DNAH17: variants seen among roughly 807,000 people sequenced by gnomAD.
DNAH17 encodes the protein axonemal beta dynein heavy chain 17.
Under a neutral mutation model 485.6 loss-of-function variants are expected in DNAH17, and 376 were observed. That is an observed-to-expected ratio of 0.77 (90% CI 0.71 to 0.84). The LOEUF (loss-of-function observed/expected upper bound fraction) is 0.84. Among genes scored for constraint, DNAH17 ranks in the 40% least tolerant of loss-of-function variants. The pLI is 0.00. For missense variants in DNAH17, 6,370 were observed against 5,839.3 expected, an observed-to-expected ratio of 1.09 and a Z score of -2.96; for synonymous variants, 3,031 against 2,405.9, an observed-to-expected ratio of 1.26 and a Z score of -7.60.
chr17:78,472,083 G>C (rs1227894017), intron 54 of DNAH17, among the ~76,000 whole-genome samples: 2 of 152,202 alleles, frequency 1.3e-5, no homozygotes, highest in African/African-American at 2.4e-5. Flanking sequence ...GGCCCGTCTA[G>C]GGACCAGCCA....
chr17:78,556,126 T>TC (rs561965902), intron 14 of DNAH17, among the ~76,000 whole-genome samples: 30 of 152,032 alleles, frequency 2.0e-4, no homozygotes, highest in Admixed American at 1.6e-3. Flanking sequence ...TCTGTATCTA[T>TC]CCCCCCCATC....
chr17:78,486,578 G>A (rs1598558136), intron 44 of DNAH17, 72 bp from the exon 45 acceptor site: 34 of 1,498,532 alleles, frequency 2.3e-5, no homozygotes, highest in Admixed American at 6.6e-5. Flanking sequence ...CTTGGTAAAC[G>A]CCCCTCCCTA....
At chr17:78,437,619 G>GC (rs2086892031) in intron 74 of DNAH17, 22 bp downstream of exon 74, 2 of 1,574,834 alleles carry the variant, frequency 1.3e-6, no homozygotes, top group South Asian at 2.3e-5. Context: ...TGGGGAGGCA[G>GC]CCCGAGCAGG....
intron 2 of DNAH17, 122 bp downstream of exon 2, chr17:78,574,591 T>A: frequency 2.4e-6 from 2 of 837,060 alleles, no homozygotes; most frequent in Non-Finnish European, 3.6e-6. Flanking sequence ...GCATTTCCAA[T>A]CCCTCCCCGG....
intron 80 of DNAH17, 134 bp downstream of exon 80, chr17:78,425,212 C>T (rs150329603): frequency 1.4e-5 from 12 of 844,612 alleles, no homozygotes; most frequent in Non-Finnish European, 2.0e-5. Flanking sequence ...GCTGATGCCC[C>T]CTGAGAGCAC....
intron 16 of DNAH17, among the ~76,000 whole-genome samples, chr17:78,544,714 T>G (rs371777076): frequency 7.1e-6 from 1 of 141,818 alleles, no homozygotes; most frequent in East Asian, 2.1e-4. Flanking sequence ...GGCAGGAGAA[T>G]GGCGTGAACC....
chr17:78,496,363 G>A (rs1178451518), intron 37 of DNAH17, among the ~76,000 whole-genome samples: 2 of 76,052 alleles, frequency 2.6e-5, no homozygotes, highest in East Asian at 8.9e-4. Context: ...TGATTGGGGG[G>A]AAGAAAAAAA....
At chr17:78,498,770 T>C (rs2090167454) in intron 37 of DNAH17, 1 of 365,840 alleles carries the variant, frequency 2.7e-6, no homozygotes, top group Admixed American at 4.7e-5. Context: ...CTCCCACCTG[T>C]ATTTTGTTAC....
intron 48 of DNAH17, 110 bp from the exon 49 acceptor site, chr17:78,480,896 A>C: frequency 1.3e-6 from 1 of 758,072 alleles, no homozygotes; most frequent in South Asian, 1.6e-5. Context: ...TTTGAGACAG[A>C]GTCTCGCTCT....
intron 9 of DNAH17, 94 bp downstream of exon 9, chr17:78,569,072 A>G: frequency 2.0e-6 from 2 of 983,328 alleles, no homozygotes; most frequent in East Asian, 2.6e-5. Context: ...CTGGGGGATT[A>G]TTGGCAAGGG....
chr17:78,423,837 C>T lies in DNAH17; in HGVS notation c.*69G>A. ...ACCAGTTCCTGTAAAGAATAAGTCA[C>T]AGGTGCACAGGTGAAGGGCTGAGTT... On this transcript the variant is annotated 3_prime_UTR_variant, in exon 81 of 81. Transcript: ENST00000389840. 6.3e-7 allele frequency: 1 copy of T among 1,576,402 alleles called. No individual in the cohort carries two copies. Among genetic ancestry groups the T allele is most frequent in the Non-Finnish European group, 8.7e-7 (1 of 1,155,334 alleles).
chr17:78,501,859 G>T lies in DNAH17; in HGVS notation c.5205C>A (p.Asn1735Lys). The change falls in exon 34 of 81, where the codon AAC (asparagine) becomes AAA (lysine). Residue 1735 changes from asparagine to lysine, a missense_variant. Physicochemically the swap from Asn to Lys is moderately conservative, Grantham distance 94. Coordinates refer to ENST00000389840, the MANE Select transcript of DNAH17 (RefSeq NM_173628.4). ...DYNKKQISQLNVLITLLMGNL... is the reference protein window; with the variant it reads ...DYNKKQISQLKVLITLLMGNL... The stretch of plus-strand genomic sequence containing the variant: ...TCCCCATGAGCAGCGTGATGAGTAC[G>T]TTCAGCTGGCTAATCTGCGGGGGAG... 1.2e-6 allele frequency: 2 copies of T among 1,614,036 alleles called. No individual in the cohort carries two copies. The highest frequency in any genetic ancestry group is 1.7e-5 in the Admixed American group (1 of 60,030).
rs1157464118 is a variant in DNAH17, at chr17:78,446,173, C to CAAAAAAAAAA, written c.11212-503_11212-494dup. Reference sequence around the variant, plus strand: ...TGGGCAACAGAGTGAGACTCTGTCTCAAAAAAAAAAAAAAAAAAAAAAAAA... The same window carrying CAAAAAAAAAA: ...TGGGCAACAGAGTGAGACTCTGTCTCAAAAAAAAAAAAAAAAAAAAAAAAAAAAAAAAAAA... On this transcript the variant is annotated intron_variant, in intron 69 of 80. Transcript: ENST00000389840. Among the ~76,000 whole-genome samples, 14 of 57,392 alleles carry CAAAAAAAAAA rather than the reference C, an allele frequency of 2.4e-4. 1 individual carries two copies. Among genetic ancestry groups the CAAAAAAAAAA allele is most frequent in the East Asian group, 7.2e-4 (1 of 1,392 alleles). 37.7% of individuals were successfully genotyped at this position (57,392 alleles called of 152,430 possible).
intron 25 of DNAH17, among the ~76,000 whole-genome samples, chr17:78,524,769 G>C (rs1234088149): frequency 6.6e-6 from 1 of 152,150 alleles, no homozygotes; most frequent in Admixed American, 6.5e-5. Context: ...GGGGAAAAAA[G>C]AAAGGGGGGC....
chr17:78,522,713 A>G (rs564034171), intron 25 of DNAH17: 85 of 202,328 alleles, frequency 4.2e-4, no homozygotes, highest in South Asian at 7.9e-4. Context: ...CAAAAAAGAC[A>G]TCAAAGAGAG....
intron 14 of DNAH17, among the ~76,000 whole-genome samples, chr17:78,556,541 G>A (rs1235539092): frequency 1.3e-5 from 2 of 152,176 alleles, no homozygotes; most frequent in East Asian, 3.8e-4. Context: ...TGGCCCTGTT[G>A]TACTGTGGCT....
chr17:78,572,987 G>A (rs906134322), intron 2 of DNAH17, 93 bp from the exon 3 acceptor site: 61 of 1,159,658 alleles, frequency 5.3e-5, no homozygotes, highest in African/African-American at 2.9e-4. Context: ...CCAAAGACCC[G>A]GTGTCTGGAG....
intron 30 of DNAH17, among the ~76,000 whole-genome samples, chr17:78,506,234 C>G (rs932704546): frequency 4.0e-5 from 6 of 148,962 alleles, no homozygotes; most frequent in East Asian, 4.1e-4. Context: ...CTCTGCCTCT[C>G]GGGTTCAAGC....
At chr17:78,523,067 T>A (rs1257466499) in intron 25 of DNAH17, among the ~76,000 whole-genome samples, 1 of 152,126 alleles carries the variant, frequency 6.6e-6, no homozygotes, top group East Asian at 1.9e-4. Flanking sequence ...TGTTGCCTAG[T>A]CTGGTCTTGA....
Sources: gnomAD v4.1 joint callset for allele counts (sites outside exome capture counted in the v4.1 genomes callset) on GRCh38, gnomAD v4.1.1 for gene constraint, MANE v1.5 for transcripts, NCBI Gene and HGNC (gene_info 2026-07-23, HGNC 2026-07-21) for gene names.